Variants in TRHDE observed in about 807,000 individuals in gnomAD.
TRHDE encodes thyrotropin-releasing hormone-degrading ectoenzyme.
A neutral mutation model predicts 125.7 loss-of-function variants in TRHDE; 72 were observed. That is an observed-to-expected ratio of 0.57 (90% CI 0.47 to 0.70). The LOEUF (loss-of-function observed/expected upper bound fraction) is 0.70. TRHDE is among the 30% of genes least tolerant of loss of function. The pLI is 0.00. For synonymous variants in TRHDE, 509 were observed against 509.1 expected (o/e 1.00, Z 0.00); for missense variants, 1,110 against 1,327.1 (o/e 0.84, Z 2.54).
chr12:72,480,990 C>T (rs1220037602), intron 5 of TRHDE, among the ~76,000 whole-genome samples: 1 of 152,056 alleles, frequency 6.6e-6, no homozygotes, highest in Non-Finnish European at 1.5e-5. Context: ...GAATGTTCAA[C>T]ATCTGCTATT....
intron 2 of TRHDE, among the ~76,000 whole-genome samples, chr12:72,145,524 T>C (rs1876207704): frequency 6.6e-6 from 1 of 152,196 alleles, no homozygotes; most frequent in Non-Finnish European, 1.5e-5. Flanking sequence ...GATATGTCTC[T>C]TGAAGTTTCA....
chr12:72,150,008 A>G (rs1876321367), intron 2 of TRHDE, among the ~76,000 whole-genome samples: 1 of 152,190 alleles, frequency 6.6e-6, no homozygotes, highest in Non-Finnish European at 1.5e-5. Context: ...ATGTACCACT[A>G]ATTAATGCAA....
chr12:72,318,465 T>C (rs1170756834), intron 2 of TRHDE, among the ~76,000 whole-genome samples: 1 of 152,172 alleles, frequency 6.6e-6, no homozygotes, highest in Non-Finnish European at 1.5e-5. Context: ...TGTCCTTAGA[T>C]ACGATTATGA....
intron 2 of TRHDE, among the ~76,000 whole-genome samples, chr12:72,193,477 A>G (rs1191712711): frequency 6.6e-6 from 1 of 152,160 alleles, no homozygotes; most frequent in East Asian, 1.9e-4. Context: ...TGTTAATCTT[A>G]TGAAAGAAAA....
At chr12:72,559,782 G>T (rs558768835) in intron 7 of TRHDE, among the ~76,000 whole-genome samples, 59 of 152,160 alleles carry the variant, frequency 3.9e-4, no homozygotes, top group Non-Finnish European at 6.8e-4. Context: ...GGTTTGAAAA[G>T]AACTTAAAAT....
chr12:72,142,114 A>T (rs1313045191), intron 2 of TRHDE, among the ~76,000 whole-genome samples: 1 of 152,046 alleles, frequency 6.6e-6, no homozygotes, highest in African/African-American at 2.4e-5. Flanking sequence ...GCATGCATAC[A>T]ATTTCCTAAA....
chr12:72,235,529 T>C (rs935933078), intron 2 of TRHDE, among the ~76,000 whole-genome samples: 3 of 152,206 alleles, frequency 2.0e-5, no homozygotes, highest in African/African-American at 7.2e-5. Flanking sequence ...AGCCATTCCC[T>C]GAATCAGTGT....
chr12:72,404,643 A>G (rs917886114), intron 3 of TRHDE, among the ~76,000 whole-genome samples: 1 of 152,168 alleles, frequency 6.6e-6, no homozygotes, highest in Non-Finnish European at 1.5e-5. Flanking sequence ...TTATAAAACC[A>G]TCAGATCTCA....
chr12:72,155,720 A>G (rs1348014027), intron 2 of TRHDE, among the ~76,000 whole-genome samples: 2 of 152,212 alleles, frequency 1.3e-5, no homozygotes, highest in Non-Finnish European at 2.9e-5. Context: ...ATTGGTGAAC[A>G]GCAAACGTTG....
At chr12:72,160,908 A>T (rs1876622823) in intron 2 of TRHDE, among the ~76,000 whole-genome samples, 1 of 152,132 alleles carries the variant, frequency 6.6e-6, no homozygotes, top group Admixed American at 6.5e-5. Context: ...GGCAGTATTT[A>T]GTGTTATATG....
chr12:72,414,291 C>T (rs1295497697), intron 3 of TRHDE, among the ~76,000 whole-genome samples: 1 of 151,952 alleles, frequency 6.6e-6, no homozygotes, highest in Admixed American at 6.6e-5. Context: ...TAGGGGGAAA[C>T]ATCAGAGCCC....
Position 72,309,327 on chromosome 12 carries a change from CAATT to C in TRHDE, c.1188+22376_1188+22379del, listed in dbSNP as rs1028512973. 5.7e-4 allele frequency among the ~76,000 whole-genome samples: 86 copies of C among 152,040 alleles called. No individual in the cohort carries two copies. The Middle Eastern group carries it at 0.014, about 24-fold the overall frequency. On this transcript the variant is annotated intron_variant, in intron 2 of 18. Coordinates refer to ENST00000261180, the MANE Select transcript of TRHDE (RefSeq NM_013381.3). ...TGTGAGAAAGAGAGGTAGTCAGACA[CAATT>C]AAGGGAAGGATTTTTAAAAATTTTT... is the stretch of plus-strand genomic sequence containing the variant.
chr12:72,624,700 A>C (rs1255282738), intron 15 of TRHDE, among the ~76,000 whole-genome samples: 1 of 151,958 alleles, frequency 6.6e-6, no homozygotes, highest in African/African-American at 2.4e-5. Flanking sequence ...ACCTGTTAAA[A>C]TATTCAAATG....
intron 2 of TRHDE, among the ~76,000 whole-genome samples, chr12:72,346,921 C>A (rs1870352343): frequency 6.6e-6 from 1 of 152,066 alleles, no homozygotes; most frequent in Admixed American, 6.6e-5. Flanking sequence ...AAGGATCCGC[C>A]TCAGGCTTCC....
At chr12:72,526,522 AATT>A (rs1372775366) in intron 6 of TRHDE, among the ~76,000 whole-genome samples, 5 of 152,148 alleles carry the variant, frequency 3.3e-5, no homozygotes, top group African/African-American at 1.2e-4. Context: ...CATAATTCAC[AATT>A]ATTCTGTAAA....
At chr12:72,131,141 G>T (rs1033482144) in intron 2 of TRHDE, among the ~76,000 whole-genome samples, 29 of 138,672 alleles carry the variant, frequency 2.1e-4, no homozygotes, top group African/African-American at 7.9e-4. Flanking sequence ...GCGCGATTTC[G>T]ACTCACTGAA....
At chr12:72,157,094 A>T (rs1001898525) in intron 2 of TRHDE, among the ~76,000 whole-genome samples, 1 of 152,008 alleles carries the variant, frequency 6.6e-6, no homozygotes, top group East Asian at 1.9e-4. Context: ...AAATGGCAGG[A>T]TCAGCAACTA....
At chr12:72,602,288 C>T (rs1269833300) in intron 12 of TRHDE, among the ~76,000 whole-genome samples, 1 of 152,048 alleles carries the variant, frequency 6.6e-6, no homozygotes, top group Non-Finnish European at 1.5e-5. Flanking sequence ...CAGAGACAGA[C>T]ACAACTCCAA....
chr12:72,319,379 G>A (rs552629578), intron 2 of TRHDE, among the ~76,000 whole-genome samples: 80 of 152,248 alleles, frequency 5.3e-4, no homozygotes, highest in Admixed American at 1.2e-3. Flanking sequence ...TCAGTAGACC[G>A]TCAGAAGTTA....
Sources: gnomAD v4.1 joint callset for allele counts (sites outside exome capture counted in the v4.1 genomes callset) on GRCh38, gnomAD v4.1.1 for gene constraint, MANE v1.5 for transcripts, NCBI Gene and HGNC (gene_info 2026-07-23, HGNC 2026-07-21) for gene names.